Variants in B4GALNT3 observed in about 807,000 individuals in gnomAD.
B4GALNT3 encodes beta-1,4-N-acetyl-galactosaminyltransferase 3.
A neutral mutation model predicts 120.2 loss-of-function variants in B4GALNT3; 86 were observed. The ratio of observed to expected loss-of-function variants is 0.72; its 90% CI spans 0.60 to 0.86. The LOEUF (loss-of-function observed/expected upper bound fraction) is 0.86. Among genes scored for constraint, B4GALNT3 ranks in the 40% least tolerant of loss-of-function variants. B4GALNT3 has a pLI of 0.00. For missense variants in B4GALNT3, 1,167 were observed against 1,298.9 expected, an observed-to-expected ratio of 0.90 and a Z score of 1.56; for synonymous variants, 518 against 510.4, an observed-to-expected ratio of 1.01 and a Z score of -0.20.
chr12:540,279 G>A (rs1946901154), intron 3 of B4GALNT3, among the ~76,000 whole-genome samples: 1 of 152,172 alleles, frequency 6.6e-6, no homozygotes, highest in South Asian at 2.1e-4. Context: ...CCTCCTTTGA[G>A]GACCAACCTC....
At chr12:513,276 G>A (rs555908272) in intron 1 of B4GALNT3, among the ~76,000 whole-genome samples, 5 of 152,214 alleles carry the variant, frequency 3.3e-5, no homozygotes, top group Non-Finnish European at 7.3e-5. Flanking sequence ...GTAGAGTAAA[G>A]TGAAAGCAAA....
chr12:473,422 T>A (rs944602738), intron 1 of B4GALNT3, among the ~76,000 whole-genome samples: 1 of 152,028 alleles, frequency 6.6e-6, no homozygotes, highest in African/African-American at 2.4e-5. Flanking sequence ...GAGTGGCAGA[T>A]GAAAGCTGAG....
intron 1 of B4GALNT3, among the ~76,000 whole-genome samples, chr12:523,672 G>T (rs1362738141): frequency 6.6e-6 from 1 of 152,166 alleles, no homozygotes; most frequent in Non-Finnish European, 1.5e-5. Flanking sequence ...TAACTTTTCT[G>T]CAGGTCTCTA....
At chr12:541,970 A>G (rs557276440) in intron 3 of B4GALNT3, among the ~76,000 whole-genome samples, 45 of 151,940 alleles carry the variant, frequency 3.0e-4, no homozygotes, top group Admixed American at 1.8e-3. Flanking sequence ...GGGGGCAGAA[A>G]GAAGCCTTTG....
At chr12:496,557 A>G (rs994568716) in intron 1 of B4GALNT3, among the ~76,000 whole-genome samples, 88 of 152,080 alleles carry the variant, frequency 5.8e-4, no homozygotes, top group African/African-American at 2.0e-3. Context: ...CCAATATTGC[A>G]CTCTGCACTC....
chr12:546,602 G>A, intron 6 of B4GALNT3, 44 bp from the exon 7 acceptor site: 2 of 1,528,478 alleles, frequency 1.3e-6, no homozygotes, highest in Non-Finnish European at 1.8e-6. Flanking sequence ...CGTGCTTCCT[G>A]TTTTCTCTGT....
intron 1 of B4GALNT3, among the ~76,000 whole-genome samples, chr12:470,071 A>C (rs1946120937): frequency 6.6e-6 from 1 of 152,208 alleles, no homozygotes; most frequent in African/African-American, 2.4e-5. Flanking sequence ...TGAGGGCTTC[A>C]GTTCCATAAT....
chr12:546,219 T>TGTGAGAGGAGGGAGGGGGGG (rs1947005683), intron 6 of B4GALNT3, among the ~76,000 whole-genome samples: 5 of 21,524 alleles, frequency 2.3e-4, no homozygotes, highest in South Asian at 1.8e-3. Context: ...GGGAGGGGGG[T>TGTGAGAGGAGGGAGGGGGGG]GTGGGAGGAG....
rs1946007090 is a variant in B4GALNT3, at chr12:460,327, G to T, written c.-50G>T. Reference sequence around the variant, plus strand: ...CGCGGGGCCCGGCCGGGGGGCGGCGGCTCGGGGGGTTGGAGCCCGCGCTGG... The same window carrying T: ...CGCGGGGCCCGGCCGGGGGGCGGCGTCTCGGGGGGTTGGAGCCCGCGCTGG... On this transcript the variant is annotated 5_prime_UTR_variant, in exon 1 of 20. Coordinates refer to ENST00000266383, the MANE Select transcript of B4GALNT3 (RefSeq NM_173593.4). This position sits in a 1 kb window ranked among gnomAD's most constrained non-coding sequence, Gnocchi z 8.0. The T allele has an allele frequency of 5.0e-6, 5 of 993,414 alleles. No homozygotes were observed. Among genetic ancestry groups the T allele is most frequent in the African/African-American group, 1.8e-5 (1 of 56,964 alleles). 61.5% of individuals were successfully genotyped at this position (993,414 alleles called of 1,614,324 possible). A position where few individuals can be genotyped will look rare whatever the true frequency, so the allele number is the denominator to read the frequency against.
At chr12:525,300 G>C (rs761593931) in intron 1 of B4GALNT3, among the ~76,000 whole-genome samples, 2 of 152,048 alleles carry the variant, frequency 1.3e-5, no homozygotes, top group Non-Finnish European at 2.9e-5. Context: ...GCAGAGATGG[G>C]GTTTCACCAT....
At chr12:473,958 ACAGATAACT>A (rs1377620623) in intron 1 of B4GALNT3, among the ~76,000 whole-genome samples, 1 of 152,178 alleles carries the variant, frequency 6.6e-6, no homozygotes, top group African/African-American at 2.4e-5. Flanking sequence ...CAGTCCTAAG[ACAGATAACT>A]CAGGGCTGGA....
chr12:554,929 A>G (rs971723131), intron 14 of B4GALNT3, among the ~76,000 whole-genome samples: 3 of 151,936 alleles, frequency 2.0e-5, no homozygotes, highest in African/African-American at 4.8e-5. Context: ...TCTAATCCCA[A>G]CACTTTGGGA....
rs1036421419 is a variant in B4GALNT3, at chr12:550,178, C to A, written c.997+266C>A. ...CCCACAACAAGAAATAGAGTTAGAA[C>A]CCGGAAGTCCCCCACACATCCCTTC... On this transcript the variant is annotated intron_variant, in intron 10 of 19. Coordinates refer to ENST00000266383, the MANE Select transcript of B4GALNT3 (RefSeq NM_173593.4). The surrounding 1 kb of genome is among the most constrained non-coding windows in gnomAD (Gnocchi z 4.1). 6.6e-6 allele frequency among the ~76,000 whole-genome samples: 1 copy of A among 152,198 alleles called. No homozygotes were observed. Among genetic ancestry groups the A allele is most frequent in the South Asian group, 2.1e-4 (1 of 4,832 alleles).
At chr12:510,213 C>T (rs995189794) in intron 1 of B4GALNT3, among the ~76,000 whole-genome samples, 1 of 152,156 alleles carries the variant, frequency 6.6e-6, no homozygotes, top group African/African-American at 2.4e-5. Flanking sequence ...AGAGAAATGG[C>T]GCTGGTGCTG....
chr12:511,645 T>TCCACCTTCCACCTTCCTTCCACCTTCCAC (rs1172987052), intron 1 of B4GALNT3, among the ~76,000 whole-genome samples: 8 of 18,576 alleles, frequency 4.3e-4, no homozygotes, highest in Admixed American at 6.4e-4. Flanking sequence ...CCTTCCACCT[T>TCCACCTTCCACCTTCCTTCCACCTTCCAC]CTTCCACCTT....
intron 15 of B4GALNT3, 139 bp from the exon 16 acceptor site, chr12:557,469 G>T: frequency 1.3e-6 from 1 of 798,434 alleles, no homozygotes; most frequent in Non-Finnish European, 2.0e-6. Context: ...ACTGCTAATG[G>T]TTTTGCAGAG....
At chr12:513,300 T>C (rs1014853788) in intron 1 of B4GALNT3, among the ~76,000 whole-genome samples, 7 of 152,198 alleles carry the variant, frequency 4.6e-5, no homozygotes, top group Non-Finnish European at 8.8e-5. Context: ...ATTAAAAAAG[T>C]AAAGGAGTAA....
intron 1 of B4GALNT3, among the ~76,000 whole-genome samples, chr12:493,106 T>C (rs1010140877): frequency 3.3e-5 from 5 of 152,150 alleles, no homozygotes; most frequent in African/African-American, 9.7e-5. Context: ...CTTCCTTAAA[T>C]GTAAAATCTG....
rs57194028 is a variant in B4GALNT3 at position 554,789 on chromosome 12, C to CAA, written c.2060+833_2060+834dup. Among the ~76,000 whole-genome samples the CAA allele has an allele frequency of 1.5e-3, 49 of 33,012 alleles. 2 individuals are homozygous for CAA. Among genetic ancestry groups the CAA allele is most frequent in the African/African-American group, 2.9e-3 (32 of 10,864 alleles). 21.7% of individuals were successfully genotyped at this position (33,012 alleles called of 152,430 possible). ...TGGGCGACAGAGCAAGACTCCGTCT[C>CAA]AAAAAAAAAAAAAAAAAAAAAAAAA... On this transcript the variant is annotated intron_variant, in intron 14 of 19. Coordinates refer to ENST00000266383, the MANE Select transcript of B4GALNT3 (RefSeq NM_173593.4).
Sources: gnomAD v4.1 joint callset for allele counts (sites outside exome capture counted in the v4.1 genomes callset) on GRCh38, gnomAD v4.1.1 for gene constraint, Gnocchi (gnomAD v3.1) non-coding constraint, MANE v1.5 for transcripts, NCBI Gene and HGNC (gene_info 2026-07-23, HGNC 2026-07-21) for gene names.